The following WNT8A variants were observed in gnomAD, a reference collection of about 807,000 sequenced individuals.
The protein encoded by WNT8A is protein Wnt-8a.
Under a neutral mutation model 20.5 loss-of-function variants are expected in WNT8A, and 14 were observed. The observed-to-expected ratio is 0.68, with a 90% CI of 0.45 to 1.07. WNT8A has a LOEUF of 1.07. Among genes scored for constraint, WNT8A ranks in the 50% least tolerant of loss-of-function variants. The pLI is 0.00. For missense variants in WNT8A, 397 were observed against 462.9 expected (o/e 0.86, Z 1.31); for synonymous variants, 167 against 169.2 (o/e 0.99, Z 0.10).
chr5:138,081,523 A>C (rs997100023), upstream of WNT8A, among the ~76,000 whole-genome samples: 2 of 152,028 alleles, frequency 1.3e-5, no homozygotes, highest in Admixed American at 1.3e-4. Flanking sequence ...ATGGAAATCA[A>C]CCCTGCTGTC....
chr5:138,084,279 C>A lies in WNT8A; in HGVS notation c.152C>A (p.Pro51His), dbSNP rs750056279. The A allele has an allele frequency of 5.6e-6, 9 of 1,613,914 alleles. No individual in the cohort carries two copies. The Admixed American group carries it at 1.5e-4, about 27-fold the overall frequency. ...RSVNNFLITG[P>H]KAYLTYTTSV... ...GTGAACAATTTCCTGATAACAGGTC[C>A]CAAGGTAGGATGATCTCCAGCTTCT... Residue 51 changes from proline (P) to histidine (H), a missense_variant, in exon 1 of 5, where the codon CCC becomes CAC. Pro to His is a moderately conservative substitution (Grantham distance 77). Coordinates refer to ENST00000506684, the MANE Select transcript of WNT8A (RefSeq NM_001300939.2).
intron 2 of WNT8A, among the ~76,000 whole-genome samples, chr5:138,087,279 C>T (rs562860895): frequency 2.6e-5 from 4 of 151,384 alleles, no homozygotes; most frequent in Admixed American, 2.0e-4. Flanking sequence ...ACCTGGGAGG[C>T]GGAGGTTGCA....
Position 138,090,931 on chromosome 5 carries a change from A to G in WNT8A, c.968A>G (p.Lys323Arg). The change falls in exon 5 of 5, where the codon AAA becomes AGA. Residue 323 changes from lysine (K) to arginine (R), a missense_variant. Physicochemically the swap from Lys to Arg is conservative, Grantham distance 26. Transcript: ENST00000506684. ...TGTGGGCTGCAGGTGGAAGAGAGGA[A>G]AACTGAGGTCATAAGCAGCTGTAAC... Reference protein sequence around the residue: ...TECGLQVEERKTEVISSCNCK... With the variant: ...TECGLQVEERRTEVISSCNCK... 1.9e-6 allele frequency: 3 copies of G among 1,614,188 alleles called. No homozygotes were observed. Among genetic ancestry groups the G allele is most frequent in the Non-Finnish European group, 2.5e-6 (3 of 1,180,028 alleles).
the WNT8A span, among the ~76,000 whole-genome samples, chr5:138,077,822 G>A: frequency 1.3e-5 from 2 of 152,080 alleles, no homozygotes; most frequent in Admixed American, 6.5e-5. Flanking sequence ...TTGGGCGATC[G>A]CTGTGTGGCT....
At chr5:138,080,752 T>A (rs1378911839), upstream of WNT8A, among the ~76,000 whole-genome samples, 1 of 152,024 alleles carries the variant, frequency 6.6e-6, no homozygotes, top group South Asian at 2.1e-4. Context: ...AGATGTGAGC[T>A]ACCATGCCCA....
the WNT8A span, among the ~76,000 whole-genome samples, chr5:138,077,461 T>A: frequency 4.6e-5 from 7 of 152,318 alleles, no homozygotes; most frequent in South Asian, 1.0e-3. Flanking sequence ...CTAATTCATC[T>A]TGGACTCATA....
chr5:138,088,385 C>G (rs1000010025), intron 3 of WNT8A, among the ~76,000 whole-genome samples: 5 of 138,814 alleles, frequency 3.6e-5, no homozygotes, highest in Non-Finnish European at 7.6e-5. Context: ...GAGATGGAGT[C>G]TCGCTCTGTC....
At chr5:138,081,097 G>C (rs1581352061), upstream of WNT8A, among the ~76,000 whole-genome samples, 1 of 151,992 alleles carries the variant, frequency 6.6e-6, no homozygotes, top group South Asian at 2.1e-4. Context: ...ATACAGGCGG[G>C]CGCCTGTAGT....
intron 2 of WNT8A, among the ~76,000 whole-genome samples, chr5:138,086,534 T>C (rs1750668106): frequency 6.6e-6 from 1 of 151,952 alleles, no homozygotes. Flanking sequence ...ACTTTCCCCA[T>C]TGGTTAACAT....
upstream of WNT8A, among the ~76,000 whole-genome samples, chr5:138,081,623 G>A (rs954100829): frequency 2.0e-5 from 3 of 151,944 alleles, no homozygotes; most frequent in Non-Finnish European, 4.4e-5. Context: ...GGCTTTTCTC[G>A]CTTAACTCAA....
upstream of WNT8A, among the ~76,000 whole-genome samples, chr5:138,081,715 G>A (rs1056276417): frequency 2.0e-5 from 3 of 152,140 alleles, no homozygotes; most frequent in East Asian, 5.8e-4. Flanking sequence ...GGGAGGCAGA[G>A]CTTTAGTCCA....
At chr5:138,077,579 T>C in the WNT8A span, among the ~76,000 whole-genome samples, 1 of 152,206 alleles carries the variant, frequency 6.6e-6, no homozygotes, top group Non-Finnish European at 1.5e-5. Flanking sequence ...AACCTTCTTC[T>C]TTGACAATTA....
Position 138,090,898 on chromosome 5 carries a change from G to GCACT in WNT8A, c.936_939dup (p.Glu314HisfsTer2). On this transcript the variant is annotated frameshift_variant, in exon 5 of 5. Coordinates refer to ENST00000506684, the MANE Select transcript of WNT8A (RefSeq NM_001300939.2). LOFTEE classifies it low-confidence loss of function (END_TRUNC). ...GAGCGACGTAGCTGTGGGCGCCTGT[G>GCACT]CACTGAGTGTGGGCTGCAGGTGGAA... The GCACT allele has an allele frequency of 6.2e-7, 1 of 1,614,216 alleles. No individual in the cohort carries two copies. The highest frequency in any genetic ancestry group is 8.5e-7 in the Non-Finnish European group (1 of 1,180,040).
intron 4 of WNT8A, among the ~76,000 whole-genome samples, 179 bp from the exon 5 acceptor site, chr5:138,090,349 A>G (rs1750803801): frequency 6.6e-6 from 1 of 152,176 alleles, no homozygotes; most frequent in Non-Finnish European, 1.5e-5. Context: ...TCCCCACTGA[A>G]TATCCTCATT....
Position 138,084,299 on chromosome 5 carries a change from G to T in WNT8A, c.156+16G>T. 1 of 1,613,736 alleles carries T rather than the reference G, an allele frequency of 6.2e-7. No homozygotes were observed. On this transcript the variant is annotated intron_variant, in intron 1 of 4. Transcript: ENST00000506684. ...AGGTCCCAAGGTAGGATGATCTCCA[G>T]CTTCTGTTTTTACCCACTGAGGGCC...
At chr5:138,088,635 C>T (rs891327876) in intron 3 of WNT8A, among the ~76,000 whole-genome samples, 14 of 152,102 alleles carry the variant, frequency 9.2e-5, no homozygotes, top group African/African-American at 3.1e-4. Context: ...GGATTACAGA[C>T]GTGAGCCACC....
chr5:138,090,725 G>A lies in WNT8A; in HGVS notation c.762G>A (p.Val254=), dbSNP rs1005787635. 13 of 1,614,126 alleles carry A rather than the reference G, an allele frequency of 8.1e-6. No individual in the cohort carries two copies. In the Admixed American group the frequency reaches 2.2e-4, roughly 27 times the overall value. The change falls in exon 5 of 5, where the codon GTG becomes GTA. Residue 254 remains valine (V), a synonymous_variant. Coordinates refer to ENST00000506684, the MANE Select transcript of WNT8A (RefSeq NM_001300939.2). ...RAGNSAEGHW[V]PAEAFLPSAE... Reference sequence around the variant, plus strand: ...GGAACAGCGCCGAGGGCCACTGGGTGCCCGCTGAGGCCTTCCTTCCTAGCG... The same window carrying A: ...GGAACAGCGCCGAGGGCCACTGGGTACCCGCTGAGGCCTTCCTTCCTAGCG...
Position 138,087,891 on chromosome 5 carries a change from C to T in WNT8A, c.381C>T (p.Phe127=), listed in dbSNP as rs761285990. 2.4e-5 allele frequency: 38 copies of T among 1,613,772 alleles called. No homozygotes were observed. Among genetic ancestry groups the T allele is most frequent in the Middle Eastern group, 1.6e-4 (1 of 6,082 alleles). ...CCAAGAACTGTAGCATGGGTGACTTCGAAAACTGTGGCTGTGATGGGTCAA... is the reference window on the plus strand; with the variant it reads ...CCAAGAACTGTAGCATGGGTGACTTTGAAAACTGTGGCTGTGATGGGTCAA... ...IITKNCSMGD[F]ENCGCDGSNN... The change falls in exon 3 of 5, where the codon TTC becomes TTT. Residue 127 remains phenylalanine, a synonymous_variant. Transcript: ENST00000506684.
At chr5:138,088,832 T>C in intron 3 of WNT8A, 95 bp from the exon 4 acceptor site, 3 of 1,497,090 alleles carry the variant, frequency 2.0e-6, no homozygotes, top group Non-Finnish European at 9.0e-7. Context: ...CCTTCAGCCA[T>C]AGCTTTACAC....
Sources: allele counts gnomAD v4.1 joint callset (sites outside exome capture counted in the v4.1 genomes callset), GRCh38; gene constraint gnomAD v4.1.1; transcripts MANE v1.5; gene names NCBI Gene and HGNC (gene_info 2026-07-23, HGNC 2026-07-21).